Variants in CPQ observed in about 807,000 individuals in gnomAD.
CPQ encodes the protein Ser-Met dipeptidase.
CPQ carries 37 observed loss-of-function variants against 45.7 expected under a neutral mutation model. That is an observed-to-expected ratio of 0.81 (90% CI 0.62 to 1.07). CPQ has a LOEUF of 1.07. Ranked by LOEUF, CPQ falls within the 50% of genes least tolerant of loss-of-function variation. CPQ has a pLI of 0.00. For synonymous variants in CPQ, 186 were observed against 205.8 expected (o/e 0.90, Z 0.82); for missense variants, 537 against 572.9 (o/e 0.94, Z 0.64).
chr8:96,713,253 C>T (rs1333312447), intron 1 of CPQ, among the ~76,000 whole-genome samples: 10 of 152,176 alleles, frequency 6.6e-5, no homozygotes, highest in African/African-American at 2.4e-4. Flanking sequence ...TCCACATTTT[C>T]CTGTCTTCTT....
intron 1 of CPQ, chr8:96,680,476 A>T (rs1163322492): frequency 2.0e-5 from 3 of 152,294 alleles, no homozygotes; most frequent in Admixed American, 6.5e-5. Context: ...GCCTGCTGCC[A>T]TCCATGTAAG....
chr8:96,793,547 G>T (rs996229500), intron 2 of CPQ, among the ~76,000 whole-genome samples: 5 of 152,132 alleles, frequency 3.3e-5, no homozygotes, highest in South Asian at 2.1e-4. Context: ...GTTGGGTTGG[G>T]ACATAGTCAA....
chr8:96,800,995 A>G (rs1445569890), intron 2 of CPQ, among the ~76,000 whole-genome samples: 1 of 113,284 alleles, frequency 8.8e-6, no homozygotes, highest in Non-Finnish European at 1.9e-5. Flanking sequence ...TTTTTTTTTG[A>G]GACAGGGTCT....
At chr8:96,903,517 C>T (rs1231846348) in intron 4 of CPQ, among the ~76,000 whole-genome samples, 3 of 152,204 alleles carry the variant, frequency 2.0e-5, no homozygotes, top group Non-Finnish European at 4.4e-5. Context: ...GATCTATTTA[C>T]TGCCTGTTAT....
chr8:97,122,606 C>CT, intron 7 of CPQ, among the ~76,000 whole-genome samples: 1 of 152,128 alleles, frequency 6.6e-6, no homozygotes, highest in Admixed American at 6.6e-5. Flanking sequence ...AATATGTAAG[C>CT]TGGGTGTGGT....
At chr8:96,768,257 C>T (rs1185892072) in intron 1 of CPQ, among the ~76,000 whole-genome samples, 3 of 151,042 alleles carry the variant, frequency 2.0e-5, no homozygotes, top group African/African-American at 7.3e-5. Flanking sequence ...ATTGTTTTAG[C>T]TCCATTATGG....
At chr8:96,818,230 G>C (rs955936107) in intron 2 of CPQ, among the ~76,000 whole-genome samples, 2 of 151,838 alleles carry the variant, frequency 1.3e-5, no homozygotes, top group African/African-American at 4.8e-5. Flanking sequence ...TAAACTTTGT[G>C]TTCTGACTGC....
intron 7 of CPQ, among the ~76,000 whole-genome samples, chr8:97,142,508 G>A (rs148021789): frequency 4.1e-4 from 63 of 152,282 alleles, no homozygotes; most frequent in African/African-American, 1.5e-3. Flanking sequence ...TAACCAGGAA[G>A]GTACATAATT....
At chr8:97,045,193 G>A (rs1434381230) in intron 6 of CPQ, among the ~76,000 whole-genome samples, 1 of 152,178 alleles carries the variant, frequency 6.6e-6, no homozygotes, top group Non-Finnish European at 1.5e-5. Context: ...GGGCAATGGT[G>A]GGCGCCCCTC....
intron 7 of CPQ, among the ~76,000 whole-genome samples, chr8:97,140,490 G>A (rs557726432): frequency 1.3e-5 from 2 of 151,666 alleles, no homozygotes; most frequent in Non-Finnish European, 2.9e-5. Context: ...AAATATATAA[G>A]CCATCAAAGA....
intron 7 of CPQ, among the ~76,000 whole-genome samples, chr8:97,101,664 T>C (rs1300945640): frequency 1.3e-5 from 2 of 150,578 alleles, no homozygotes; most frequent in South Asian, 2.1e-4. Context: ...TATAGGGCTC[T>C]AAGTAGCCAA....
chr8:96,896,264 C>G (rs1812441039), intron 4 of CPQ, among the ~76,000 whole-genome samples: 1 of 152,106 alleles, frequency 6.6e-6, no homozygotes, highest in Non-Finnish European at 1.5e-5. Flanking sequence ...TATTACTATG[C>G]CCCTATCAAC....
intron 7 of CPQ, among the ~76,000 whole-genome samples, chr8:97,140,665 T>A (rs1319108951): frequency 6.6e-6 from 1 of 152,098 alleles, no homozygotes; most frequent in Admixed American, 6.5e-5. Flanking sequence ...ACCACAATTC[T>A]GATCAAAATC....
chr8:97,018,936 T>C (rs1184384929), intron 5 of CPQ, among the ~76,000 whole-genome samples: 1 of 152,192 alleles, frequency 6.6e-6, no homozygotes, highest in African/African-American at 2.4e-5. Context: ...GTCCTCAGGT[T>C]ATCTAAAGTT....
Position 97,143,381 on chromosome 8 carries a change from C to G in CPQ, c.*198C>G. ...AAAAGGAATCATTCTCCCCTCCCTCCCACCACATAGAATCAACATATGGTA... is the reference window on the plus strand; with the variant it reads ...AAAAGGAATCATTCTCCCCTCCCTCGCACCACATAGAATCAACATATGGTA... On this transcript the variant is annotated 3_prime_UTR_variant, in exon 8 of 8. Coordinates refer to ENST00000220763, the MANE Select transcript of CPQ (RefSeq NM_016134.4). The G allele has an allele frequency of 1.8e-6, 1 of 543,044 alleles. No homozygotes were observed. The allele number at this position is 543,044 out of a possible 1,614,324, so 33.6% of individuals were successfully genotyped here.
chr8:97,076,812 T>C (rs1810853319), intron 7 of CPQ, among the ~76,000 whole-genome samples: 1 of 152,102 alleles, frequency 6.6e-6, no homozygotes, highest in Admixed American at 6.5e-5. Context: ...CCTAGATACA[T>C]TTGAAGTTGA....
intron 3 of CPQ, among the ~76,000 whole-genome samples, chr8:96,874,517 A>G (rs1812120955): frequency 6.6e-6 from 1 of 151,746 alleles, no homozygotes; most frequent in South Asian, 2.1e-4. Context: ...CTAAAACCTA[A>G]AATTTCCTTT....
intron 4 of CPQ, among the ~76,000 whole-genome samples, chr8:96,898,776 TAAAAA>T (rs11390361): frequency 7.3e-6 from 1 of 137,646 alleles, no homozygotes; most frequent in African/African-American, 2.7e-5. Flanking sequence ...TAGGGTATAA[TAAAAA>T]AAAAAAAAAA....
chr8:97,083,787 T>A (rs910306755), intron 7 of CPQ, among the ~76,000 whole-genome samples: 1 of 152,180 alleles, frequency 6.6e-6, no homozygotes, highest in African/African-American at 2.4e-5. Context: ...TTGTCTGCTA[T>A]GGACTGACTG....
Sources: gnomAD v4.1 joint callset for allele counts (sites outside exome capture counted in the v4.1 genomes callset) on GRCh38, gnomAD v4.1.1 for gene constraint, MANE v1.5 for transcripts, NCBI Gene and HGNC (gene_info 2026-07-23, HGNC 2026-07-21) for gene names.